The following OPHN1 variants were observed in gnomAD, a reference collection of about 807,000 sequenced individuals.
The protein encoded by OPHN1 is oligophrenin-1.
In OPHN1, 11 loss-of-function variants were observed where a neutral mutation model predicts 60.7. The ratio of observed to expected loss-of-function variants is 0.18; its 90% CI spans 0.11 to 0.30. The LOEUF (loss-of-function observed/expected upper bound fraction) is 0.30. OPHN1 is among the 10% of genes least tolerant of loss of function. The pLI, the probability that OPHN1 is intolerant of heterozygous loss-of-function variation, is 1.00. For synonymous variants in OPHN1, 226 were observed against 222.6 expected (o/e 1.02, Z -0.14); for missense variants, 449 against 611.0 (o/e 0.73, Z 2.80).
intron 6 of OPHN1, among the ~76,000 whole-genome samples, chrX:68,229,057 A>G (rs1389088367): frequency 3.6e-5 from 4 of 111,952 alleles, no homozygotes; most frequent in Middle Eastern, 9.2e-3. Flanking sequence ...AAGCAACTTC[A>G]GCAAAGTCTC....
intron 2 of OPHN1, among the ~76,000 whole-genome samples, chrX:68,423,890 G>A (rs1422756889): frequency 8.9e-6 from 1 of 111,915 alleles, no homozygotes; most frequent in African/African-American, 3.3e-5. Context: ...CTATGGGCCA[G>A]TCATGGTGGC....
Position 68,231,271 on chromosome X carries a change from T to C in OPHN1, c.486+3216A>G, listed in dbSNP as rs533614974. Among the ~76,000 whole-genome samples, 51 of 112,023 alleles carry C rather than the reference T, an allele frequency of 4.6e-4. No homozygotes were observed. In the South Asian group the frequency reaches 0.018, roughly 41 times the overall value. On this transcript the variant is annotated intron_variant, in intron 6 of 24. Transcript: ENST00000355520. ...TAGGTTGGTGCAAAAGGAACTGTGA[T>C]TTCTGCCATTACTTTTAATGGTACA...
intron 2 of OPHN1, among the ~76,000 whole-genome samples, chrX:68,315,882 T>C (rs2078196903): frequency 9.0e-6 from 1 of 110,907 alleles, no homozygotes; most frequent in Non-Finnish European, 1.9e-5. Context: ...CAATGAAAAC[T>C]ACAAAGCATT....
chrX:68,402,251 G>C (rs1408118166), intron 2 of OPHN1, among the ~76,000 whole-genome samples: 1 of 107,518 alleles, frequency 9.3e-6, no homozygotes, highest in African/African-American at 3.4e-5. Flanking sequence ...AGGGTCATGA[G>C]AGAGGAAAGA....
chrX:68,070,489 C>T lies in OPHN1; in HGVS notation c.1834+2663G>A, dbSNP rs375583318. Reference sequence around the variant, plus strand: ...AGAAAATGCTAAGTTGACTTAGGGGCTGTGCACAGGAACTAAAAGGCAGAA... The same window carrying T: ...AGAAAATGCTAAGTTGACTTAGGGGTTGTGCACAGGAACTAAAAGGCAGAA... On this transcript the variant is annotated intron_variant, in intron 20 of 24. Transcript: ENST00000355520. 100 of 600,687 alleles carry T rather than the reference C, an allele frequency of 1.7e-4. 1 individual carries two copies. In the South Asian group the frequency reaches 2.1e-3, roughly 13 times the overall value. The allele number at this position is 600,687 out of a possible 1,213,427, so 49.5% of individuals were successfully genotyped here.
chrX:68,210,011 C>A, intron 9 of OPHN1, 142 bp downstream of exon 9: 4 of 537,409 alleles, frequency 7.4e-6, no homozygotes, highest in Non-Finnish European at 1.2e-5. Context: ...TTTTTGTTTT[C>A]AGTATTCCCT....
chrX:68,261,653 G>A (rs2077894259), intron 5 of OPHN1, among the ~76,000 whole-genome samples: 1 of 111,416 alleles, frequency 9.0e-6, no homozygotes, highest in Non-Finnish European at 1.9e-5. Flanking sequence ...CTAGAGTGTG[G>A]CTGCTCAAAG....
intron 2 of OPHN1, among the ~76,000 whole-genome samples, chrX:68,341,706 C>T (rs1383105845): frequency 9.1e-6 from 1 of 109,654 alleles, no homozygotes; most frequent in East Asian, 2.9e-4. Context: ...GGCATGGCGG[C>T]ACGAGCCTGT....
intron 2 of OPHN1, among the ~76,000 whole-genome samples, chrX:68,399,438 G>A (rs900262108): frequency 1.3e-4 from 15 of 111,911 alleles, no homozygotes; most frequent in African/African-American, 4.9e-4. Flanking sequence ...ATCACTTGAG[G>A]TCAGGAGTTC....
chrX:68,283,198 G>A, intron 3 of OPHN1, 81 bp from the exon 4 acceptor site: 2 of 795,144 alleles, frequency 2.5e-6, no homozygotes, highest in Non-Finnish European at 3.8e-6. Context: ...GCAACAGGAA[G>A]TAGGGACCAG....
intron 2 of OPHN1, among the ~76,000 whole-genome samples, chrX:68,403,863 T>C (rs776320812): frequency 1.8e-5 from 2 of 108,630 alleles, no homozygotes; most frequent in African/African-American, 6.7e-5. Context: ...AGTTGTACCA[T>C]CTAGACTCAG....
rs1195733657 is a variant in OPHN1 at position 68,350,454 on chromosome X, CCCTT to C, written c.155-51362_155-51359del. Among the ~76,000 whole-genome samples, 443 of 67,159 alleles carry C rather than the reference CCCTT, an allele frequency of 6.6e-3. 10 individuals are homozygous for C. Among genetic ancestry groups the C allele is most frequent in the African/African-American group, 0.032 (407 of 12,634 alleles). 58.3% of individuals were successfully genotyped at this position (67,159 alleles called of 115,157 possible). ...TCCCTCTCTCCCTCCCTCTCTCCCTCCCTTCCTTCCTTCCTTCCTCCCTCCCTCC... is the reference window on the plus strand; with the variant it reads ...TCCCTCTCTCCCTCCCTCTCTCCCTCCCTTCCTTCCTTCCTCCCTCCCTCC... On this transcript the variant is annotated intron_variant, in intron 2 of 24. Transcript: ENST00000355520.
At chrX:68,169,588 G>C (rs2147417503) in intron 15 of OPHN1, among the ~76,000 whole-genome samples, 1 of 108,222 alleles carries the variant, frequency 9.2e-6, no homozygotes, top group South Asian at 4.0e-4. Flanking sequence ...CAGAGATATA[G>C]ACCAATGGAA....
chrX:68,113,345 G>A, intron 16 of OPHN1, 106 bp from the exon 17 acceptor site: 1 of 609,909 alleles, frequency 1.6e-6, no homozygotes, highest in Non-Finnish European at 2.7e-6. Flanking sequence ...CTACAGCTTA[G>A]TGGGATTATA....
At chrX:68,057,864 T>C (rs1230828355) in intron 21 of OPHN1, among the ~76,000 whole-genome samples, 1 of 111,954 alleles carries the variant, frequency 8.9e-6, no homozygotes, top group Non-Finnish European at 1.9e-5. Context: ...TAACTTTCTG[T>C]GTGACCTTCA....
intron 6 of OPHN1, among the ~76,000 whole-genome samples, chrX:68,222,256 A>G (rs1423473187): frequency 3.7e-5 from 4 of 108,088 alleles, no homozygotes; most frequent in African/African-American, 1.4e-4. Flanking sequence ...TTAGAATGGC[A>G]ATCATTAAAA....
At chrX:68,262,563 C>G (rs1816930769) in intron 5 of OPHN1, among the ~76,000 whole-genome samples, 1 of 112,023 alleles carries the variant, frequency 8.9e-6, no homozygotes, top group African/African-American at 3.2e-5. Context: ...GTGGGTGGAT[C>G]ACCTGAGGTC....
chrX:68,363,591 C>T (rs757222439), intron 2 of OPHN1, among the ~76,000 whole-genome samples: 1 of 111,532 alleles, frequency 9.0e-6, no homozygotes, highest in East Asian at 2.8e-4. Context: ...GGATTACAGG[C>T]ATGAGCCACC....
At position 68,235,816 on chromosome X, in the gene OPHN1, C is replaced by T. The variant is rs774480280; in HGVS notation, c.385-1228G>A. ...GAGGTTACAGTGAGCCGAGATTGTG[C>T]CACTGCATTCCAGCCTAGGTGAGAG... On this transcript the variant is annotated intron_variant, in intron 5 of 24. Transcript: ENST00000355520. Among the ~76,000 whole-genome samples, 3 of 110,103 alleles carry T rather than the reference C, an allele frequency of 2.7e-5. No individual in the cohort carries two copies. In the South Asian group the frequency reaches 1.2e-3, roughly 44 times the overall value.
Sources: gnomAD v4.1 joint callset for allele counts (sites outside exome capture counted in the v4.1 genomes callset) on GRCh38, gnomAD v4.1.1 for gene constraint, MANE v1.5 for transcripts, NCBI Gene and HGNC (gene_info 2026-07-23, HGNC 2026-07-21) for gene names.